Variants in CFAP206 observed in about 807,000 individuals in gnomAD.
CFAP206 encodes cilia and flagella associated protein 206, also known as cilia- and flagella-associated protein 206.
Under a neutral mutation model 65.4 loss-of-function variants are expected in CFAP206, and 53 were observed. The ratio of observed to expected loss-of-function variants is 0.81; its 90% CI spans 0.65 to 1.02. The LOEUF is 1.02. CFAP206 is among the 50% of genes least tolerant of loss of function. The probability of loss-of-function intolerance (pLI) is 0.00; values close to 1 mark genes in which losing one functional copy is unlikely to be tolerated. For synonymous variants in CFAP206, 250 were observed against 254.4 expected, an observed-to-expected ratio of 0.98 and a Z score of 0.17; for missense variants, 663 against 753.2, an observed-to-expected ratio of 0.88 and a Z score of 1.40.
At chr6:87,432,414 G>A (rs555969965) in intron 10 of CFAP206, among the ~76,000 whole-genome samples, 4 of 152,296 alleles carry the variant, frequency 2.6e-5, no homozygotes, top group South Asian at 2.1e-4. Context: ...GCAATGGAAT[G>A]TAGATAGTTT....
chr6:87,439,500 C>A (rs1036671121), intron 11 of CFAP206, among the ~76,000 whole-genome samples: 1 of 151,848 alleles, frequency 6.6e-6, no homozygotes, highest in Non-Finnish European at 1.5e-5. Flanking sequence ...GATATGTTTT[C>A]TTAGTTTGTA....
Position 87,435,098 on chromosome 6 carries a change from T to C in CFAP206, c.1494+45T>C, listed in dbSNP as rs760276723. On this transcript the variant is annotated intron_variant, in intron 11 of 12. Coordinates refer to ENST00000369562, the MANE Select transcript of CFAP206 (RefSeq NM_001031743.3). The stretch of plus-strand genomic sequence containing the variant: ...TATGAATTTATGACATTTAAAAATA[T>C]AGTTAATTTAAAAGTTGTATTTTGT... 2.9e-6 allele frequency: 4 copies of C among 1,383,306 alleles called. No homozygotes were observed. The South Asian group carries it at 4.0e-5, about 14-fold the overall frequency. 85.7% of individuals were successfully genotyped at this position (1,383,306 alleles called of 1,614,324 possible). A position where few individuals can be genotyped will look rare whatever the true frequency, so the allele number is the denominator to read the frequency against.
rs1203482191 is a variant in CFAP206, at chr6:87,442,304, T to C, written c.1494+7251T>C. Among the ~76,000 whole-genome samples, 3 of 152,188 alleles carry C rather than the reference T, an allele frequency of 2.0e-5. No individual in the cohort carries two copies. In the East Asian group the frequency reaches 5.8e-4, roughly 29 times the overall value. The stretch of plus-strand genomic sequence containing the variant: ...TTGATATTTTTTAAGGATTAAAAAC[T>C]CTTCCTGGCTTTTTCTTTCTTTCTT... On this transcript the variant is annotated intron_variant, in intron 11 of 12. Coordinates refer to ENST00000369562, the MANE Select transcript of CFAP206 (RefSeq NM_001031743.3).
At position 87,410,676 on chromosome 6, in the gene CFAP206, C is replaced by A; in HGVS notation, c.192+8C>A. 1 of 1,605,800 alleles carries A rather than the reference C, an allele frequency of 6.2e-7. No homozygotes were observed. Among genetic ancestry groups the A allele is most frequent in the Non-Finnish European group, 8.5e-7 (1 of 1,173,278 alleles). ...GTGCAGAATCTTGTTAAGGTGATTA[C>A]CCAACAGTCCTCAAATTTGCAATTA... On this transcript the variant is annotated splice_region_variant and intron_variant, in intron 3 of 12. Transcript: ENST00000369562.
intron 11 of CFAP206, among the ~76,000 whole-genome samples, chr6:87,450,375 T>C (rs1367370189): frequency 6.6e-6 from 1 of 152,046 alleles, no homozygotes; most frequent in Admixed American, 6.6e-5. Context: ...ATGATAGGGA[T>C]TGCGTTGAAT....
At chr6:87,430,525 G>A (rs1768137745) in intron 9 of CFAP206, among the ~76,000 whole-genome samples, 1 of 152,138 alleles carries the variant, frequency 6.6e-6, no homozygotes, top group African/African-American at 2.4e-5. Context: ...GTTTCAAGAA[G>A]CAATAGTCCT....
chr6:87,453,721 T>G (rs1198662336), intron 11 of CFAP206, among the ~76,000 whole-genome samples: 1 of 151,956 alleles, frequency 6.6e-6, no homozygotes, highest in Non-Finnish European at 1.5e-5. Flanking sequence ...TAACCTCGAA[T>G]TTAAAAACCT....
intron 7 of CFAP206, among the ~76,000 whole-genome samples, chr6:87,420,265 C>A (rs553327419): frequency 6.6e-6 from 1 of 152,294 alleles, no homozygotes; most frequent in Admixed American, 6.5e-5. Flanking sequence ...ACATTTGTCA[C>A]CTGTATTCAG....
At position 87,412,124 on chromosome 6, in the gene CFAP206, A is replaced by G. The variant is rs558065093; in HGVS notation, c.192+1456A>G. Among the ~76,000 whole-genome samples, 6 of 152,332 alleles carry G rather than the reference A, an allele frequency of 3.9e-5. 2 individuals carry two copies. The highest frequency in any genetic ancestry group is 1.2e-4 in the African/African-American group (5 of 41,578). On this transcript the variant is annotated intron_variant, in intron 3 of 12. Coordinates refer to ENST00000369562, the MANE Select transcript of CFAP206 (RefSeq NM_001031743.3). ...AACTAAGTTGGAAAGAATCAAGCCA[A>G]TATACTTTTAGTACGACAGGTACAT...
At chr6:87,457,996 GA>G in intron 11 of CFAP206, among the ~76,000 whole-genome samples, 1 of 152,114 alleles carries the variant, frequency 6.6e-6, no homozygotes, top group South Asian at 2.1e-4. Context: ...TAATCCAACT[GA>G]AAAATGGGCA....
intron 8 of CFAP206, among the ~76,000 whole-genome samples, chr6:87,428,093 T>C (rs1423350173): frequency 6.6e-6 from 1 of 150,612 alleles, no homozygotes; most frequent in Non-Finnish European, 1.5e-5. Flanking sequence ...GTTCAAGCGA[T>C]TCTCCTGCCT....
At chr6:87,430,924 A>C in intron 9 of CFAP206, 109 bp from the exon 10 acceptor site, 2 of 1,037,554 alleles carry the variant, frequency 1.9e-6, no homozygotes, top group Non-Finnish European at 2.8e-6. Flanking sequence ...CCATCGGGAA[A>C]AGTACAAAGC....
intron 3 of CFAP206, among the ~76,000 whole-genome samples, chr6:87,411,391 T>C (rs1767734118): frequency 1.3e-5 from 2 of 152,244 alleles, no homozygotes; most frequent in South Asian, 4.1e-4. Flanking sequence ...TATTTGTTGT[T>C]GTCGAGTTGT....
intron 11 of CFAP206, among the ~76,000 whole-genome samples, chr6:87,456,229 G>A (rs2207145): frequency 3.2e-4 from 48 of 152,144 alleles, no homozygotes; most frequent in African/African-American, 1.2e-3. Context: ...GATACATCAT[G>A]TCAGCAGAAT....
intron 11 of CFAP206, among the ~76,000 whole-genome samples, chr6:87,457,363 A>G (rs1391235975): frequency 6.6e-6 from 1 of 152,204 alleles, no homozygotes; most frequent in East Asian, 1.9e-4. Flanking sequence ...AGCCAAAGCC[A>G]TCCTAAGCAA....
chr6:87,417,755 C>CTT (rs11394814), intron 6 of CFAP206, among the ~76,000 whole-genome samples: 18,979 of 121,616 alleles, frequency 0.16, 1,726 homozygotes, highest in African/African-American at 0.2. Context: ...GTTTTAGATT[C>CTT]TTTTTTTTTT....
chr6:87,414,979 C>T (rs559552198), intron 4 of CFAP206, among the ~76,000 whole-genome samples: 9 of 152,048 alleles, frequency 5.9e-5, no homozygotes, highest in East Asian at 1.9e-4. Flanking sequence ...ATAAACTGTG[C>T]GTGGTGGATA....
intron 7 of CFAP206, among the ~76,000 whole-genome samples, chr6:87,423,729 G>A (rs1767988646): frequency 6.6e-6 from 1 of 152,122 alleles, no homozygotes; most frequent in Admixed American, 6.6e-5. Context: ...AAGCAAGGGG[G>A]AAAAAACTCT....
chr6:87,447,500 C>T (rs769997261), intron 11 of CFAP206, among the ~76,000 whole-genome samples: 1 of 152,144 alleles, frequency 6.6e-6, no homozygotes, highest in Non-Finnish European at 1.5e-5. Context: ...ATATACTGAA[C>T]CAGCCTTGAA....
Sources: gnomAD v4.1 joint callset for allele counts (sites outside exome capture counted in the v4.1 genomes callset) on GRCh38, gnomAD v4.1.1 for gene constraint, MANE v1.5 for transcripts, NCBI Gene and HGNC (gene_info 2026-07-23, HGNC 2026-07-21) for gene names.